Variants in CCDC7 observed in about 807,000 individuals in gnomAD.
CCDC7 encodes coiled-coil domain containing 7.
A neutral mutation model predicts 196.9 loss-of-function variants in CCDC7; 183 were observed. The observed-to-expected ratio is 0.93, with a 90% CI of 0.82 to 1.05. The LOEUF (loss-of-function observed/expected upper bound fraction) is 1.05. CCDC7 is among the 50% of genes least tolerant of loss of function. CCDC7 has a pLI of 0.00. For missense variants in CCDC7, 1,540 were observed against 1,482.2 expected (o/e 1.04, Z -0.64); for synonymous variants, 525 against 484.6 (o/e 1.08, Z -1.10).
chr10:32,707,489 G>A (rs1409600240), intron 24 of CCDC7, among the ~76,000 whole-genome samples: 3 of 152,098 alleles, frequency 2.0e-5, no homozygotes, highest in Admixed American at 6.6e-5. Context: ...GGCAGGAGAA[G>A]GAAATAAAAG....
intron 18 of CCDC7, among the ~76,000 whole-genome samples, chr10:32,603,161 CTT>C (rs35440134): frequency 1.0e-4 from 15 of 145,740 alleles, no homozygotes; most frequent in Non-Finnish European, 1.4e-4. Context: ...ATGAAATTCA[CTT>C]TTTTTTTTTT....
At chr10:32,600,641 T>C (rs927086072) in intron 18 of CCDC7, among the ~76,000 whole-genome samples, 6 of 152,210 alleles carry the variant, frequency 3.9e-5, no homozygotes, top group African/African-American at 1.4e-4. Flanking sequence ...CTCAATTCCC[T>C]GCACCCTGTA....
At chr10:32,676,526 A>G (rs1387384128) in intron 21 of CCDC7, among the ~76,000 whole-genome samples, 1 of 152,112 alleles carries the variant, frequency 6.6e-6, no homozygotes, top group Admixed American at 6.6e-5. Context: ...TTTACAAGAA[A>G]AAAACAAACA....
Position 32,567,714 on chromosome 10 carries a change from AG to A in CCDC7, c.1243del (p.Glu415ArgfsTer67). 1 of 1,613,438 alleles carries A rather than the reference AG, an allele frequency of 6.2e-7. No homozygotes were observed. Among genetic ancestry groups the A allele is most frequent in the Non-Finnish European group, 8.5e-7 (1 of 1,179,724 alleles). On this transcript the variant is annotated frameshift_variant, in exon 15 of 42. Transcript: ENST00000639629. LOFTEE classifies it high-confidence loss of function. ...ATCAACTTAACTATTTCCTAAATCA[AG>A]AGAAGTTACTTAAAAGTGAGGGGAA...
At chr10:32,560,990 C>T (rs956761739) in intron 13 of CCDC7, among the ~76,000 whole-genome samples, 3 of 149,348 alleles carry the variant, frequency 2.0e-5, no homozygotes. Flanking sequence ...CAAGCAAATG[C>T]AAAACAAAAA....
intron 29 of CCDC7, among the ~76,000 whole-genome samples, chr10:32,795,102 A>G (rs986503160): frequency 4.6e-5 from 7 of 152,310 alleles, no homozygotes; most frequent in African/African-American, 1.7e-4. Flanking sequence ...CTATACCTGA[A>G]TATTTATATC....
intron 29 of CCDC7, among the ~76,000 whole-genome samples, chr10:32,793,931 C>G (rs1326819680): frequency 6.6e-6 from 1 of 152,068 alleles, no homozygotes; most frequent in Non-Finnish European, 1.5e-5. Flanking sequence ...CCTGTTTGGT[C>G]TAGTATGTAG....
rs543879739 is a variant in CCDC7 at position 32,481,938 on chromosome 10, T to A, written c.796+7915T>A. On this transcript the variant is annotated intron_variant, in intron 8 of 41. Transcript: ENST00000639629. ...CTTTGTTGCTTTCAAGATTCTCTTT[T>A]TGTCTTTAATTTTTGACAGTTTGGT... 3.3e-5 allele frequency among the ~76,000 whole-genome samples: 5 copies of A among 152,292 alleles called. No homozygotes were observed. In the South Asian group the frequency reaches 1.0e-3, roughly 32 times the overall value.
At chr10:32,511,607 T>A in intron 9 of CCDC7, 1 of 1,593,670 alleles carries the variant, frequency 6.3e-7, no homozygotes, top group Non-Finnish European at 8.6e-7. Context: ...ATCCAACTTC[T>A]GCAACAACTC....
At chr10:32,465,932 C>T (rs781153025) in intron 5 of CCDC7, among the ~76,000 whole-genome samples, 1 of 152,156 alleles carries the variant, frequency 6.6e-6, no homozygotes, top group African/African-American at 2.4e-5. Flanking sequence ...TGACAACTCA[C>T]TTCCATCTAT....
At chr10:32,573,862 A>T (rs2057878178) in intron 16 of CCDC7, among the ~76,000 whole-genome samples, 1 of 152,176 alleles carries the variant, frequency 6.6e-6, no homozygotes, top group African/African-American at 2.4e-5. Context: ...GCTGGGTATT[A>T]TGGGATATAA....
intron 18 of CCDC7, among the ~76,000 whole-genome samples, chr10:32,607,580 A>G (rs2061673850): frequency 6.6e-6 from 1 of 152,152 alleles, no homozygotes; most frequent in Non-Finnish European, 1.5e-5. Flanking sequence ...ATCTATTGAG[A>G]TAATCAGTGG....
At chr10:32,550,145 ATTC>A (rs1340205938) in intron 13 of CCDC7, among the ~76,000 whole-genome samples, 2 of 143,122 alleles carry the variant, frequency 1.4e-5, no homozygotes, top group Non-Finnish European at 3.1e-5. Flanking sequence ...GGCTAGGTAT[ATTC>A]TTAAGTTTTT....
At chr10:32,791,023 G>T (rs2082613216) in intron 29 of CCDC7, among the ~76,000 whole-genome samples, 1 of 152,086 alleles carries the variant, frequency 6.6e-6, no homozygotes, top group Non-Finnish European at 1.5e-5. Context: ...AGAGCAGGAG[G>T]TACTCCTGAA....
intron 2 of CCDC7, among the ~76,000 whole-genome samples, chr10:32,454,313 T>C (rs896316633): frequency 1.3e-5 from 2 of 152,188 alleles, no homozygotes; most frequent in Non-Finnish European, 2.9e-5. Context: ...ACAATCCTTA[T>C]CCTGCATGAC....
intron 18 of CCDC7, among the ~76,000 whole-genome samples, chr10:32,608,544 AT>A (rs1282828112): frequency 6.7e-6 from 1 of 150,106 alleles, no homozygotes; most frequent in Admixed American, 6.6e-5. Flanking sequence ...ATGTTTTTTT[AT>A]TTTTTTATGT....
chr10:32,778,061 T>A (rs1373424559), intron 28 of CCDC7, among the ~76,000 whole-genome samples: 2 of 152,226 alleles, frequency 1.3e-5, no homozygotes, highest in East Asian at 3.8e-4. Flanking sequence ...TGCTTGTTGG[T>A]TTAAGTTCCT....
At chr10:32,594,740 T>C (rs2060138984) in intron 18 of CCDC7, among the ~76,000 whole-genome samples, 1 of 152,208 alleles carries the variant, frequency 6.6e-6, no homozygotes. Context: ...ACCTAATTTA[T>C]TGAGAGTTTT....
chr10:32,626,417 A>G (rs370652168), intron 18 of CCDC7, among the ~76,000 whole-genome samples: 8 of 151,554 alleles, frequency 5.3e-5, no homozygotes, highest in African/African-American at 1.7e-4. Context: ...TGGGTTTTCT[A>G]TTTTCTTGCT....
Sources: allele counts gnomAD v4.1 joint callset (sites outside exome capture counted in the v4.1 genomes callset), GRCh38; gene constraint gnomAD v4.1.1; transcripts MANE v1.5; gene names NCBI Gene and HGNC (gene_info 2026-07-23, HGNC 2026-07-21).